The following KALRN variants were observed in gnomAD, a reference collection of about 807,000 sequenced individuals.
KALRN encodes the protein kalirin.
Under a neutral mutation model 353.7 loss-of-function variants are expected in KALRN, and 70 were observed. That is an observed-to-expected ratio of 0.20 (90% CI 0.16 to 0.24). KALRN has a LOEUF of 0.24. KALRN is among the 10% of genes least tolerant of loss of function. The probability of loss-of-function intolerance (pLI) is 1.00; values close to 1 mark genes in which losing one functional copy is unlikely to be tolerated. For missense variants in KALRN, 2,791 were observed against 3,756.7 expected (o/e 0.74, Z 6.72); for synonymous variants, 1,391 against 1,434.8 (o/e 0.97, Z 0.69).
chr3:124,042,598 A>C (rs1428831878), intron 1 of KALRN, among the ~76,000 whole-genome samples: 1 of 152,200 alleles, frequency 6.6e-6, no homozygotes, highest in Non-Finnish European at 1.5e-5. Flanking sequence ...GTGTCAAGAA[A>C]GAGATAGGAA....
intron 1 of KALRN, among the ~76,000 whole-genome samples, chr3:124,078,473 T>G (rs1186414084): frequency 6.6e-6 from 1 of 152,054 alleles, no homozygotes; most frequent in Non-Finnish European, 1.5e-5. Context: ...GGCCCTGTCG[T>G]GTAATGGGGA....
chr3:124,347,824 G>T (rs973546856), intron 10 of KALRN, among the ~76,000 whole-genome samples: 1 of 152,114 alleles, frequency 6.6e-6, no homozygotes, highest in African/African-American at 2.4e-5. Context: ...ACCTGCCTTC[G>T]TGTGATTTGT....
At chr3:124,502,966 G>A (rs1248436521) in intron 33 of KALRN, among the ~76,000 whole-genome samples, 1 of 152,218 alleles carries the variant, frequency 6.6e-6, no homozygotes, top group East Asian at 1.9e-4. Flanking sequence ...GTGACAGCAT[G>A]TTAGGTTTAG....
chr3:124,529,061 GAA>G (rs1439375559), intron 33 of KALRN, among the ~76,000 whole-genome samples: 4 of 143,256 alleles, frequency 2.8e-5, no homozygotes. Context: ...GCTGGATAAA[GAA>G]TCAGTATAGT....
intron 15 of KALRN, among the ~76,000 whole-genome samples, chr3:124,424,479 A>T (rs1034963520): frequency 1.3e-5 from 2 of 152,068 alleles, no homozygotes; most frequent in Non-Finnish European, 2.9e-5. Flanking sequence ...TATTATAATG[A>T]AAAAAACACT....
chr3:124,074,285 AT>A (rs1480168255), intron 1 of KALRN, among the ~76,000 whole-genome samples: 1 of 152,236 alleles, frequency 6.6e-6, no homozygotes, highest in African/African-American at 2.4e-5. Flanking sequence ...TGACTTTTCT[AT>A]GAATGTGTGC....
rs1394002227 is a variant in KALRN at position 124,655,654 on chromosome 3, G to A, written c.5849G>A (p.Gly1950Asp). ...QTEKDYVKDL[G>D]IVVEGFMKRI... The stretch of plus-strand genomic sequence containing the variant: ...GAGAAAGACTATGTCAAGGATCTGG[G>A]CATTGTGGTGGAGGTAAGTAGAGGG... The change falls in exon 39 of 60, where the codon GGC becomes GAC. Residue 1950 changes from glycine (G) to aspartate (D), a missense_variant. Physicochemically the swap from Gly to Asp is moderately conservative, Grantham distance 94. This residue lies in a region of KALRN where 1,065 missense variants were observed against 1,156.4 expected (regional missense o/e 0.92). Coordinates refer to ENST00000682506, the MANE Select transcript of KALRN (RefSeq NM_001388419.1). 6.2e-6 allele frequency: 10 copies of A among 1,613,874 alleles called. No homozygotes were observed. The highest frequency in any genetic ancestry group is 1.7e-5 in the Admixed American group (1 of 60,004).
chr3:124,149,869 T>A (rs1030612027), intron 1 of KALRN, among the ~76,000 whole-genome samples: 8 of 152,216 alleles, frequency 5.3e-5, no homozygotes, highest in African/African-American at 9.6e-5. Flanking sequence ...CATCAGCTTT[T>A]ACTAGCCAGC....
At chr3:124,380,980 T>C (rs2087281257) in intron 10 of KALRN, among the ~76,000 whole-genome samples, 1 of 152,162 alleles carries the variant, frequency 6.6e-6, no homozygotes, top group Non-Finnish European at 1.5e-5. Flanking sequence ...TATGGAGACT[T>C]ACTAGGTGCC....
intron 25 of KALRN, among the ~76,000 whole-genome samples, chr3:124,464,229 CT>C (rs1439171883): frequency 3.9e-5 from 6 of 152,204 alleles, no homozygotes; most frequent in Non-Finnish European, 2.9e-5. Flanking sequence ...ACAAGTCTCA[CT>C]TTCCCCATGT....
At chr3:124,553,958 C>G (rs530552445) in intron 33 of KALRN, among the ~76,000 whole-genome samples, 10 of 152,254 alleles carry the variant, frequency 6.6e-5, no homozygotes, top group African/African-American at 2.2e-4. Context: ...CTACTACTGC[C>G]TCTTCTTTCC....
At chr3:124,240,757 A>G (rs967101142) in intron 3 of KALRN, among the ~76,000 whole-genome samples, 3 of 152,118 alleles carry the variant, frequency 2.0e-5, no homozygotes, top group South Asian at 2.1e-4. Flanking sequence ...CAAATGGAAG[A>G]TATTTGGCAC....
intron 1 of KALRN, among the ~76,000 whole-genome samples, chr3:124,090,269 G>A (rs993502745): frequency 6.6e-6 from 1 of 152,206 alleles, no homozygotes; most frequent in African/African-American, 2.4e-5. Flanking sequence ...GTGAAAGGTT[G>A]TCTTCCATGA....
At chr3:124,564,653 C>T (rs2072570371) in intron 34 of KALRN, among the ~76,000 whole-genome samples, 1 of 152,208 alleles carries the variant, frequency 6.6e-6, no homozygotes, top group Non-Finnish European at 1.5e-5. Flanking sequence ...GCACTCCAGA[C>T]TGGGTGACAG....
chr3:124,141,366 C>T (rs2066607080), intron 1 of KALRN, among the ~76,000 whole-genome samples: 1 of 152,122 alleles, frequency 6.6e-6, no homozygotes, highest in African/African-American at 2.4e-5. Context: ...ATACTGTTTC[C>T]CACCAGCTCT....
chr3:124,556,722 G>A (rs967157096), intron 33 of KALRN, among the ~76,000 whole-genome samples: 1 of 152,134 alleles, frequency 6.6e-6, no homozygotes. Flanking sequence ...TATTGTTGAT[G>A]TTATCATTAC....
intron 29 of KALRN, chr3:124,488,560 A>G (rs2062811226): frequency 4.2e-6 from 2 of 474,926 alleles, no homozygotes; most frequent in Admixed American, 3.4e-5. Flanking sequence ...GTTGCTGCCC[A>G]TGAGACAGTC....
At chr3:124,403,064 A>G (rs13068267) in intron 13 of KALRN, among the ~76,000 whole-genome samples, 28,361 of 152,162 alleles carry the variant, frequency 0.19, 3,522 homozygotes, top group East Asian at 0.62. Flanking sequence ...CAATAATTTG[A>G]AATGTGCTGA....
chr3:124,340,760 G>GA (rs1560612445), intron 9 of KALRN, among the ~76,000 whole-genome samples: 1 of 152,144 alleles, frequency 6.6e-6, no homozygotes, highest in Admixed American at 6.5e-5. Flanking sequence ...TTCAAGACCA[G>GA]CCTGGCCAAC....
Sources: allele counts gnomAD v4.1 joint callset (sites outside exome capture counted in the v4.1 genomes callset), GRCh38; gene constraint gnomAD v4.1.1; regional missense constraint gnomAD v4.1.1; transcripts MANE v1.5; gene names NCBI Gene and HGNC (gene_info 2026-07-23, HGNC 2026-07-21).